LAMA3: variants seen among roughly 807,000 people sequenced by gnomAD.
LAMA3 encodes laminin subunit alpha-3.
In LAMA3, 281 loss-of-function variants were observed where a neutral mutation model predicts 402.0. The ratio of observed to expected loss-of-function variants is 0.70; its 90% CI spans 0.63 to 0.77. The LOEUF (loss-of-function observed/expected upper bound fraction) is 0.77. Among genes scored for constraint, LAMA3 ranks in the 30% least tolerant of loss-of-function variants. The probability of loss-of-function intolerance (pLI) is 0.00; values close to 1 mark genes in which losing one functional copy is unlikely to be tolerated. For missense variants in LAMA3, 3,840 were observed against 4,215.5 expected (o/e 0.91, Z 2.47); for synonymous variants, 1,431 against 1,558.4 (o/e 0.92, Z 1.93).
rs763121275 is a variant in LAMA3 at position 23,951,759 on chromosome 18, C to G, written c.9718C>G (p.Gln3240Glu). The G allele has an allele frequency of 2.5e-6, 4 of 1,613,422 alleles. No homozygotes were observed. The South Asian group carries it at 4.4e-5, about 18-fold the overall frequency. ...VTPKQSLCDGQWHSVAVTIKQ... is the reference protein window; with the variant it reads ...VTPKQSLCDGEWHSVAVTIKQ... ...ACCAAAGCAGTCTCTGTGTGATGGA[C>G]AGTGGCACTCGGTGGCAGGTATGTT... Residue 3240 changes from glutamine to glutamate, a missense_variant, in exon 73 of 75, where the codon CAG (glutamine) becomes GAG (glutamate). By Grantham distance (29) the Gln-to-Glu change is conservative. Transcript: ENST00000313654.
chr18:23,844,282 T>G (rs1289536819), intron 29 of LAMA3, among the ~76,000 whole-genome samples: 1 of 152,232 alleles, frequency 6.6e-6, no homozygotes, highest in African/African-American at 2.4e-5. Context: ...AGAACCAAAC[T>G]ACCATTATTC....
At chr18:23,868,727 G>T (rs957183174) in intron 37 of LAMA3, among the ~76,000 whole-genome samples, 1 of 152,180 alleles carries the variant, frequency 6.6e-6, no homozygotes, top group Non-Finnish European at 1.5e-5. Context: ...ATATGCTTAG[G>T]ATGAATGAAT....
At chr18:23,912,099 T>A (rs967021169) in intron 55 of LAMA3, among the ~76,000 whole-genome samples, 3 of 145,370 alleles carry the variant, frequency 2.1e-5, no homozygotes, top group Non-Finnish European at 4.5e-5. Context: ...TGCATATATT[T>A]AAAAATATAT....
chr18:23,690,118 G>T (rs958049695), intron 1 of LAMA3, 141 bp downstream of exon 1: 50 of 680,514 alleles, frequency 7.3e-5, no homozygotes, highest in Non-Finnish European at 9.3e-5. Context: ...ATCCCCGCGC[G>T]CGAGGGCCCA....
chr18:23,905,281 A>T (rs2081204253), intron 51 of LAMA3, among the ~76,000 whole-genome samples: 1 of 152,208 alleles, frequency 6.6e-6, no homozygotes, highest in African/African-American at 2.4e-5. Flanking sequence ...CAGCTAAAAC[A>T]AGTGTCACAT....
chr18:23,810,313 C>T lies in LAMA3; in HGVS notation c.1604-53C>T, dbSNP rs919390132. 3.1e-6 allele frequency: 5 copies of T among 1,610,410 alleles called. No homozygotes were observed. The African/African-American group carries it at 4.0e-5, about 13-fold the overall frequency. ...GCTCTGCTCCGGGACGTGGTTCTTCCCCCTCCCATACCTGCAACCCCCGCC... is the reference window on the plus strand; with the variant it reads ...GCTCTGCTCCGGGACGTGGTTCTTCTCCCTCCCATACCTGCAACCCCCGCC... On this transcript the variant is annotated intron_variant, in intron 12 of 74. Coordinates refer to ENST00000313654, the MANE Select transcript of LAMA3 (RefSeq NM_198129.4).
intron 51 of LAMA3, among the ~76,000 whole-genome samples, chr18:23,905,061 G>T (rs1043813851): frequency 6.6e-6 from 1 of 151,970 alleles, no homozygotes; most frequent in Admixed American, 6.6e-5. Flanking sequence ...CTTACATCTC[G>T]GTGTGTCTGT....
intron 23 of LAMA3, among the ~76,000 whole-genome samples, chr18:23,831,215 A>C (rs148818886): frequency 3.3e-4 from 50 of 152,248 alleles, no homozygotes; most frequent in African/African-American, 1.1e-3. Flanking sequence ...TATAGCCAGC[A>C]CTCACATTCT....
In LAMA3 at chr18:23,894,941, C is replaced by A; in HGVS notation, c.5496C>A (p.Asp1832Glu). Reference protein sequence around the residue: ...CDSCVMTLLNDLATMGEQLRL... With the variant: ...CDSCVMTLLNELATMGEQLRL... ...GCTGTGTGATGACCCTCCTGAACGA[C>A]CTGGCCACCATGGGCGAGCAGCTCC... Residue 1832 changes from aspartate (D) to glutamate (E), a missense_variant, in exon 44 of 75, where the codon GAC becomes GAA. This residue lies in a region of LAMA3 where 891 missense variants were observed against 857.5 expected (regional missense o/e 1.04). Transcript: ENST00000313654. 2 of 1,614,206 alleles carry A rather than the reference C, an allele frequency of 1.2e-6. No homozygotes were observed. Among genetic ancestry groups the A allele is most frequent in the Non-Finnish European group, 8.5e-7 (1 of 1,180,034 alleles).
intron 8 of LAMA3, among the ~76,000 whole-genome samples, chr18:23,768,632 T>C (rs984248646): frequency 6.6e-6 from 1 of 152,314 alleles, no homozygotes; most frequent in Admixed American, 6.5e-5. Flanking sequence ...GTAATCCTAT[T>C]AATTGGCATA....
Position 23,901,329 on chromosome 18 carries a change from T to G in LAMA3, c.6201+6T>G. The G allele has an allele frequency of 6.2e-7, 1 of 1,612,640 alleles. No homozygotes were observed. The highest frequency in any genetic ancestry group is 2.2e-5 in the East Asian group (1 of 44,874). On this transcript the variant is annotated splice_donor_region_variant and intron_variant, in intron 48 of 74. Coordinates refer to ENST00000313654, the MANE Select transcript of LAMA3 (RefSeq NM_198129.4). ...GAGCTTTGGGAGCCATTCAGGTGAG[T>G]TCACAGTTTGAAGTTGCACACTTTC... is the stretch of plus-strand genomic sequence containing the variant.
chr18:23,942,349 G>A (rs1167742050), intron 68 of LAMA3, among the ~76,000 whole-genome samples: 2 of 152,140 alleles, frequency 1.3e-5, no homozygotes, highest in East Asian at 3.9e-4. Flanking sequence ...ACACCTTTAT[G>A]CATCCCTCTC....
At position 23,871,587 on chromosome 18, in the gene LAMA3, A is replaced by C. The variant is rs1384091857; in HGVS notation, c.4924A>C (p.Thr1642Pro). ...GGTGGGGCTAGAGGAAGCCTCTGAC[A>C]CAGGAAGTGGGCGCATAGCACTTGC... ...SEVGLEEASD[T>P]GSGRIALAVE... is the part of the protein sequence containing the mutation. Residue 1642 changes from threonine (T) to proline (P), a missense_variant, in exon 38 of 75, where the codon ACA becomes CCA. By Grantham distance (38) the Thr-to-Pro change is conservative (BLOSUM62 -1). Coordinates refer to ENST00000313654, the MANE Select transcript of LAMA3 (RefSeq NM_198129.4). The C allele has an allele frequency of 3.7e-6, 6 of 1,614,166 alleles. No homozygotes were observed. In the Admixed American group the frequency reaches 6.7e-5, roughly 18 times the overall value.
chr18:23,726,295 T>C (rs150833140), intron 2 of LAMA3, among the ~76,000 whole-genome samples: 1 of 152,314 alleles, frequency 6.6e-6, no homozygotes, highest in East Asian at 1.9e-4. Context: ...ACAGCTCTCA[T>C]GAGGGCAAGA....
chr18:23,911,892 A>G (rs1324983765), intron 55 of LAMA3, among the ~76,000 whole-genome samples: 6 of 146,212 alleles, frequency 4.1e-5, no homozygotes, highest in Admixed American at 1.4e-4. Flanking sequence ...ATTACATACA[A>G]TGTACATATA....
chr18:23,720,276 T>G (rs1424484319), intron 2 of LAMA3, among the ~76,000 whole-genome samples: 2 of 152,202 alleles, frequency 1.3e-5, no homozygotes, highest in Non-Finnish European at 2.9e-5. Flanking sequence ...TAAGAGTATT[T>G]TATAGCTATA....
At chr18:23,814,899 A>G (rs2063145720) in intron 15 of LAMA3, among the ~76,000 whole-genome samples, 1 of 152,256 alleles carries the variant, frequency 6.6e-6, no homozygotes, top group Non-Finnish European at 1.5e-5. Flanking sequence ...CATATCAGTA[A>G]TGACCTCGGC....
chr18:23,858,401 T>C (rs1319344674), intron 33 of LAMA3, among the ~76,000 whole-genome samples: 2 of 152,134 alleles, frequency 1.3e-5, no homozygotes, highest in Non-Finnish European at 2.9e-5. Flanking sequence ...GTGAGTGAGA[T>C]GAATTGGTCT....
intron 56 of LAMA3, 99 bp from the exon 57 acceptor site, chr18:23,914,311 T>TA (rs1270465188): frequency 3.9e-6 from 5 of 1,296,680 alleles, no homozygotes; most frequent in Non-Finnish European, 5.6e-6. Flanking sequence ...GCTTATTGCC[T>TA]AAAACCCATT....
Sources: gnomAD v4.1 joint callset for allele counts (sites outside exome capture counted in the v4.1 genomes callset) on GRCh38, gnomAD v4.1.1 for gene constraint, gnomAD v4.1.1 regional missense constraint, MANE v1.5 for transcripts, NCBI Gene and HGNC (gene_info 2026-07-23, HGNC 2026-07-21) for gene names.